INPP4B: variants seen among roughly 807,000 people sequenced by gnomAD.
INPP4B encodes inositol polyphosphate 4-phosphatase type II.
A neutral mutation model predicts 122.5 loss-of-function variants in INPP4B; 55 were observed. The observed-to-expected ratio is 0.45, with a 90% CI of 0.36 to 0.56. The LOEUF (loss-of-function observed/expected upper bound fraction) is 0.56, where lower values mean the gene tolerates loss of function less well. INPP4B is among the 20% of genes least tolerant of loss of function. The pLI is 0.00. For missense variants in INPP4B, 1,000 were observed against 1,097.7 expected, an observed-to-expected ratio of 0.91 and a Z score of 1.26; for synonymous variants, 403 against 388.7, an observed-to-expected ratio of 1.04 and a Z score of -0.43.
chr4:142,269,608 T>C (rs894453425), intron 10 of INPP4B, among the ~76,000 whole-genome samples: 1 of 152,138 alleles, frequency 6.6e-6, no homozygotes, highest in African/African-American at 2.4e-5. Flanking sequence ...AGGGTACAAG[T>C]TTCCGTTAGC....
At chr4:142,501,474 C>T (rs963024546) in intron 2 of INPP4B, among the ~76,000 whole-genome samples, 3 of 151,710 alleles carry the variant, frequency 2.0e-5, no homozygotes, top group Non-Finnish European at 4.4e-5. Context: ...TTATCACTGC[C>T]AGAAACAAAA....
At chr4:142,178,550 A>G (rs1829368192) in intron 15 of INPP4B, among the ~76,000 whole-genome samples, 1 of 152,028 alleles carries the variant, frequency 6.6e-6, no homozygotes, top group Non-Finnish European at 1.5e-5. Flanking sequence ...TTCCCACTCC[A>G]TTGCTACCTC....
rs560034074 is a variant in INPP4B, at chr4:142,663,657, T to C, written c.-191+62182A>G. On this transcript the variant is annotated intron_variant, in intron 2 of 25. Coordinates refer to ENST00000262992, the MANE Select transcript of INPP4B (RefSeq NM_001101669.3). ...ATATATCCAAGCTGCTAAGTAATTA[T>C]GTGTAATATTTTTAATAGACCATTT... 4.6e-5 allele frequency among the ~76,000 whole-genome samples: 7 copies of C among 151,736 alleles called. No homozygotes were observed. In the South Asian group the frequency reaches 6.3e-4, roughly 14 times the overall value.
rs375279598 is a variant in INPP4B, at chr4:142,542,574, T to C, written c.-190-79848A>G. On this transcript the variant is annotated intron_variant, in intron 2 of 25. Coordinates refer to ENST00000262992, the MANE Select transcript of INPP4B (RefSeq NM_001101669.3). ...CACATGAAGCAATTGCTTAGAATAGTATCTGAAATTTATTCCAGGATTATG... is the reference window on the plus strand; with the variant it reads ...CACATGAAGCAATTGCTTAGAATAGCATCTGAAATTTATTCCAGGATTATG... Among the ~76,000 whole-genome samples, 10 of 152,352 alleles carry C rather than the reference T, an allele frequency of 6.6e-5. No individual in the cohort carries two copies. In the South Asian group the frequency reaches 1.4e-3, roughly 22 times the overall value.
intron 2 of INPP4B, among the ~76,000 whole-genome samples, chr4:142,703,284 C>G (rs1178648266): frequency 2.0e-5 from 3 of 152,082 alleles, no homozygotes; most frequent in Non-Finnish European, 4.4e-5. Flanking sequence ...TATTTGAAAT[C>G]TCAGAATTTT....
At chr4:142,707,994 GA>G (rs1186529495) in intron 2 of INPP4B, among the ~76,000 whole-genome samples, 1 of 152,212 alleles carries the variant, frequency 6.6e-6, no homozygotes, top group Non-Finnish European at 1.5e-5. Flanking sequence ...CTCAGATGGA[GA>G]TGAGAACTTA....
At chr4:142,431,074 T>C (rs1244862339) in intron 4 of INPP4B, 95 bp downstream of exon 4, 5 of 852,658 alleles carry the variant, frequency 5.9e-6, no homozygotes, top group African/African-American at 3.4e-5. Flanking sequence ...CCGAAGTTCC[T>C]ATGAATCTAT....
intron 16 of INPP4B, among the ~76,000 whole-genome samples, chr4:142,172,695 A>G (rs897149043): frequency 6.6e-6 from 1 of 152,066 alleles, no homozygotes; most frequent in Non-Finnish European, 1.5e-5. Flanking sequence ...ATTATTATAA[A>G]TTAACATACC....
chr4:142,449,345 G>A (rs916347352), intron 3 of INPP4B, among the ~76,000 whole-genome samples: 1 of 152,132 alleles, frequency 6.6e-6, no homozygotes, highest in African/African-American at 2.4e-5. Flanking sequence ...AGCAGCATCT[G>A]TATTACCCAG....
chr4:142,784,727 T>G (rs77822599), intron 1 of INPP4B, among the ~76,000 whole-genome samples: 8,590 of 147,798 alleles, frequency 0.058, 356 homozygotes, highest in African/African-American at 0.12. Flanking sequence ...GAGAAAAATG[T>G]TTTTTTTTGG....
chr4:142,720,768 T>TATATATA (rs1560996471), intron 2 of INPP4B, among the ~76,000 whole-genome samples: 82 of 10,876 alleles, frequency 7.5e-3, no homozygotes, highest in Middle Eastern at 0.045. Flanking sequence ...ATAATCTCTC[T>TATATATA]CTCTCTCTCT....
intron 11 of INPP4B, among the ~76,000 whole-genome samples, chr4:142,255,227 C>G (rs924523460): frequency 1.3e-5 from 2 of 151,910 alleles, no homozygotes; most frequent in Non-Finnish European, 2.9e-5. Flanking sequence ...AAAGGAACAA[C>G]CGGTACCAGC....
intron 24 of INPP4B, among the ~76,000 whole-genome samples, chr4:142,082,454 C>T (rs1317409767): frequency 5.9e-5 from 9 of 152,104 alleles, no homozygotes; most frequent in Admixed American, 2.6e-4. Flanking sequence ...CAGCAGAGGA[C>T]GCAGCACACT....
At chr4:142,206,046 C>G (rs554405398) in intron 14 of INPP4B, among the ~76,000 whole-genome samples, 1 of 152,020 alleles carries the variant, frequency 6.6e-6, no homozygotes, top group Non-Finnish European at 1.5e-5. Context: ...AAGATCAAGG[C>G]GCTGGTATCT....
chr4:142,796,867 G>GAT (rs747142365), intron 1 of INPP4B, among the ~76,000 whole-genome samples: 1 of 128,758 alleles, frequency 7.8e-6, no homozygotes, highest in Non-Finnish European at 1.6e-5. Flanking sequence ...GCGGAAAACA[G>GAT]ATGTGTGTGT....
chr4:142,299,199 C>T (rs1760246634), intron 9 of INPP4B, among the ~76,000 whole-genome samples: 2 of 150,020 alleles, frequency 1.3e-5, no homozygotes, highest in Non-Finnish European at 3.0e-5. Flanking sequence ...GCTCTTATCC[C>T]CTAGGCTGGA....
chr4:142,166,967 G>A (rs955991977), intron 16 of INPP4B, among the ~76,000 whole-genome samples: 14 of 151,772 alleles, frequency 9.2e-5, no homozygotes, highest in African/African-American at 3.4e-4. Flanking sequence ...CAACCATTAT[G>A]GAAGACAGTA....
chr4:142,099,991 G>A (rs187237114), intron 23 of INPP4B, among the ~76,000 whole-genome samples: 3 of 152,152 alleles, frequency 2.0e-5, no homozygotes, highest in East Asian at 1.9e-4. Context: ...TCACCAGGAC[G>A]GCTTGTTAAA....
chr4:142,317,081 G>T (rs904631477), intron 7 of INPP4B, among the ~76,000 whole-genome samples: 11 of 152,190 alleles, frequency 7.2e-5, no homozygotes, highest in African/African-American at 2.4e-5. Context: ...TTCAGGAAAG[G>T]CTTCACAAAA....
Sources: allele counts gnomAD v4.1 joint callset (sites outside exome capture counted in the v4.1 genomes callset), GRCh38; gene constraint gnomAD v4.1.1; transcripts MANE v1.5; gene names NCBI Gene and HGNC (gene_info 2026-07-23, HGNC 2026-07-21).